NCOA2: variants seen among roughly 807,000 people sequenced by gnomAD.
NCOA2 encodes nuclear receptor coactivator 2.
In NCOA2, 21 loss-of-function variants were observed where a neutral mutation model predicts 145.1. The ratio of observed to expected loss-of-function variants is 0.14; its 90% confidence interval spans 0.10 to 0.21. The LOEUF (loss-of-function observed/expected upper bound fraction) is 0.21. Among genes scored for constraint, NCOA2 ranks in the 10% least tolerant of loss-of-function variants. NCOA2 has a pLI of 1.00. For missense variants in NCOA2, 1,472 were observed against 1,837.6 expected (o/e 0.80, Z 3.64); for synonymous variants, 619 against 637.5 (o/e 0.97, Z 0.44).
chr8:70,390,899 A>T (rs940608655), intron 1 of NCOA2, among the ~76,000 whole-genome samples: 1 of 152,350 alleles, frequency 6.6e-6, no homozygotes, highest in East Asian at 1.9e-4. Context: ...TCTGGTGTCT[A>T]CTACATACCT....
chr8:70,275,343 TTATA>T (rs907938186), intron 2 of NCOA2, among the ~76,000 whole-genome samples: 1 of 152,118 alleles, frequency 6.6e-6, no homozygotes. Flanking sequence ...AAATAAGTAC[TTATA>T]TATAGTTGTT....
At chr8:70,271,963 T>C (rs1451865204) in intron 2 of NCOA2, among the ~76,000 whole-genome samples, 1 of 151,292 alleles carries the variant, frequency 6.6e-6, no homozygotes, top group Non-Finnish European at 1.5e-5. Context: ...CCCAGTAAAT[T>C]GAATAAAGAG....
chr8:70,404,735 T>C (rs767136143), upstream of NCOA2, among the ~76,000 whole-genome samples: 1 of 152,198 alleles, frequency 6.6e-6, no homozygotes, highest in African/African-American at 2.4e-5. Context: ...GTCCATTCTC[T>C]AGACATCCGT....
At position 70,321,453 on chromosome 8, in the gene NCOA2, C is replaced by A. The variant is rs147096979; in HGVS notation, c.-76-24653G>T. On this transcript the variant is annotated intron_variant, in intron 1 of 22. Coordinates refer to ENST00000452400, the MANE Select transcript of NCOA2 (RefSeq NM_006540.4). ...GGGATTACAGGCATGAGCTTCCATG[C>A]CCAGCCAATATTCATAAAATATAAC... Among the ~76,000 whole-genome samples the A allele has an allele frequency of 5.8e-3, 883 of 151,928 alleles. 5 individuals carry two copies. Among genetic ancestry groups the A allele is most frequent in the African/African-American group, 0.02 (823 of 41,414 alleles).
At chr8:70,272,473 A>G (rs1389978893) in intron 2 of NCOA2, among the ~76,000 whole-genome samples, 2 of 152,148 alleles carry the variant, frequency 1.3e-5, no homozygotes, top group Admixed American at 6.5e-5. Context: ...TGTGCTTCCA[A>G]CTTTTTTTCC....
chr8:70,425,607 C>T, the NCOA2 span, among the ~76,000 whole-genome samples: 25 of 152,152 alleles, frequency 1.6e-4, no homozygotes, highest in Non-Finnish European at 3.4e-4. Flanking sequence ...ACTTTTTCAC[C>T]GTGCTTCACC....
intron 1 of NCOA2, among the ~76,000 whole-genome samples, chr8:70,306,345 T>C (rs961895280): frequency 2.0e-5 from 3 of 152,188 alleles, no homozygotes; most frequent in South Asian, 4.1e-4. Context: ...TGGGCCTCAC[T>C]ATCCTATCTT....
chr8:70,168,601 G>A lies in NCOA2; in HGVS notation c.541+1601C>T, dbSNP rs183774853. 3.3e-5 allele frequency among the ~76,000 whole-genome samples: 5 copies of A among 152,308 alleles called. No individual in the cohort carries two copies. The East Asian group carries it at 9.7e-4, about 29-fold the overall frequency. On this transcript the variant is annotated intron_variant, in intron 6 of 22. Coordinates refer to ENST00000452400, the MANE Select transcript of NCOA2 (RefSeq NM_006540.4). Reference sequence around the variant, plus strand: ...CTCCCAAAGTGCTGGGATTACACGGGTGAGCCACTGAGCCCAGCCAGTATC... The same window carrying A: ...CTCCCAAAGTGCTGGGATTACACGGATGAGCCACTGAGCCCAGCCAGTATC...
chr8:70,266,104 C>T (rs983392154), intron 2 of NCOA2, among the ~76,000 whole-genome samples: 4 of 152,254 alleles, frequency 2.6e-5, no homozygotes, highest in Non-Finnish European at 4.4e-5. Context: ...GAGCCGAAAT[C>T]GCGCTACTGC....
chr8:70,413,070 C>T, the NCOA2 span, among the ~76,000 whole-genome samples: 1 of 149,124 alleles, frequency 6.7e-6, no homozygotes, highest in Non-Finnish European at 1.5e-5. Flanking sequence ...TGTGCTCCAG[C>T]CTGGGCGACA....
intron 2 of NCOA2, among the ~76,000 whole-genome samples, chr8:70,232,892 C>CACACACACAT (rs1554601860): frequency 2.0e-5 from 3 of 151,502 alleles, no homozygotes; most frequent in Non-Finnish European, 2.9e-5. Context: ...CACACACACA[C>CACACACACAT]GTGCGTAGAT....
chr8:70,407,555 G>C (rs908434373), upstream of NCOA2, among the ~76,000 whole-genome samples: 1 of 151,836 alleles, frequency 6.6e-6, no homozygotes, highest in Non-Finnish European at 1.5e-5. Flanking sequence ...TTGGGAGGCC[G>C]AGGCAGGCAG....
At chr8:70,397,748 T>C (rs553258779) in intron 1 of NCOA2, among the ~76,000 whole-genome samples, 2 of 152,346 alleles carry the variant, frequency 1.3e-5, no homozygotes, top group Admixed American at 1.3e-4. Context: ...TAAATATTCA[T>C]ACCTTCATTA....
At chr8:70,278,032 C>A (rs1825599519) in intron 2 of NCOA2, among the ~76,000 whole-genome samples, 2 of 152,046 alleles carry the variant, frequency 1.3e-5, no homozygotes, top group African/African-American at 4.8e-5. Flanking sequence ...AAAAAGAAAC[C>A]CTATATCCAT....
Position 70,148,256 on chromosome 8 carries a change from C to T in NCOA2, c.2605+17G>A. ...TATGGAAATTTCTTGGCATAACCAG[C>T]CATTTCTCATACTCACTGCTCTGTG... is the stretch of plus-strand genomic sequence containing the variant. On this transcript the variant is annotated intron_variant, in intron 12 of 22. Transcript: ENST00000452400. The T allele has an allele frequency of 6.2e-7, 1 of 1,609,956 alleles. No individual in the cohort carries two copies. Among genetic ancestry groups the T allele is most frequent in the Admixed American group, 1.7e-5 (1 of 60,008 alleles).
intron 1 of NCOA2, among the ~76,000 whole-genome samples, chr8:70,402,902 G>T (rs1814471730): frequency 1.8e-5 from 1 of 54,736 alleles, no homozygotes; most frequent in Non-Finnish European, 3.4e-5. Context: ...ACCACGGCCC[G>T]GCCTGCTCGG....
intron 4 of NCOA2, among the ~76,000 whole-genome samples, chr8:70,186,705 C>A (rs538902685): frequency 6.6e-6 from 1 of 152,168 alleles, no homozygotes; most frequent in Non-Finnish European, 1.5e-5. Flanking sequence ...GACAAATTTA[C>A]AGTATGTCTT....
the NCOA2 span, among the ~76,000 whole-genome samples, chr8:70,413,816 G>T: frequency 2.0e-5 from 3 of 151,842 alleles, no homozygotes; most frequent in South Asian, 6.2e-4. Context: ...TAAATGCCTC[G>T]GCCCCTGGGT....
At chr8:70,295,621 C>T (rs938445544) in intron 2 of NCOA2, among the ~76,000 whole-genome samples, 4 of 152,064 alleles carry the variant, frequency 2.6e-5, no homozygotes, top group Non-Finnish European at 4.4e-5. Context: ...CTTAAGTTCA[C>T]GGTATAAATT....
Sources: allele counts gnomAD v4.1 joint callset (sites outside exome capture counted in the v4.1 genomes callset), GRCh38; gene constraint gnomAD v4.1.1; transcripts MANE v1.5; gene names NCBI Gene and HGNC (gene_info 2026-07-23, HGNC 2026-07-21).